Variants in TSNAXIP1 observed in about 807,000 individuals in gnomAD.
The protein encoded by TSNAXIP1 is translin-associated factor X-interacting protein 1.
In TSNAXIP1, 89 loss-of-function variants were observed where a neutral mutation model predicts 84.8. That is an observed-to-expected ratio of 1.05 (90% CI 0.88 to 1.25). TSNAXIP1 has a LOEUF of 1.25. Among genes scored for constraint, TSNAXIP1 ranks in the 50% most tolerant of loss-of-function variants. TSNAXIP1 has a pLI of 0.00. For synonymous variants in TSNAXIP1, 347 were observed against 335.2 expected, an observed-to-expected ratio of 1.04 and a Z score of -0.39; for missense variants, 874 against 887.6, an observed-to-expected ratio of 0.98 and a Z score of 0.20.
chr16:67,826,120 C>G, intron 9 of TSNAXIP1, 32 bp from the exon 10 acceptor site: 15 of 1,613,098 alleles, frequency 9.3e-6, no homozygotes, highest in Non-Finnish European at 1.3e-5. Flanking sequence ...TACATGTGGG[C>G]CCAGACTCCA....
rs771920743 is a variant in TSNAXIP1, at chr16:67,826,867, T to C, written c.1554+23T>C. 1.9e-6 allele frequency: 3 copies of C among 1,612,296 alleles called. No homozygotes were observed. The South Asian group carries it at 3.3e-5, about 18-fold the overall frequency. On this transcript the variant is annotated intron_variant, in intron 12 of 15. Transcript: ENST00000561639. ...AAGGTGAGCTGGGGCCTATTCCCCTTGGGGAGACTGAGAGGGGTCTTTGTC... is the reference window on the plus strand; with the variant it reads ...AAGGTGAGCTGGGGCCTATTCCCCTCGGGGAGACTGAGAGGGGTCTTTGTC...
Position 67,826,840 on chromosome 16 carries a change from G to C in TSNAXIP1, c.1550G>C (p.Gly517Ala). 1 of 1,613,400 alleles carries C rather than the reference G, an allele frequency of 6.2e-7. No individual in the cohort carries two copies. The highest frequency in any genetic ancestry group is 8.5e-7 in the Non-Finnish European group (1 of 1,179,948). The change falls in exon 12 of 16, where the codon GGA (glycine) becomes GCA (alanine). Residue 517 changes from glycine (G) to alanine (A), a missense_variant. Physicochemically the swap from Gly to Ala is moderately conservative, Grantham distance 60. Coordinates refer to ENST00000561639, the MANE Select transcript of TSNAXIP1 (RefSeq NM_001288990.3). ...VMSQFYAVLM[G>A]KRSENVYVTQ... ...AGTCAGTTCTATGCAGTCTTGATGG[G>C]AAAGGTGAGCTGGGGCCTATTCCCC...
rs146795616 is a variant in TSNAXIP1, at chr16:67,825,927, T to C, written c.995T>C (p.Leu332Pro). 1.4e-5 allele frequency: 22 copies of C among 1,614,052 alleles called. No homozygotes were observed. Among genetic ancestry groups the C allele is most frequent in the Admixed American group, 5.0e-5 (3 of 59,990 alleles). ...NKDLQEQLDT[L>P]RASYEEVRKE... ...TGTCCTTGCCCACAGCTGGACACCC[T>C]GAGAGCCAGCTACGAGGAGGTTCGC... is the stretch of plus-strand genomic sequence containing the variant. The change falls in exon 9 of 16, where the codon CTG (leucine) becomes CCG (proline). Residue 332 changes from leucine (L) to proline (P), a missense_variant. By Grantham distance (98) the Leu-to-Pro change is moderately conservative. Coordinates refer to ENST00000561639, the MANE Select transcript of TSNAXIP1 (RefSeq NM_001288990.3).
chr16:67,819,988 T>G (rs1039266785), intron 2 of TSNAXIP1, among the ~76,000 whole-genome samples: 40 of 151,956 alleles, frequency 2.6e-4, no homozygotes, highest in Admixed American at 3.9e-4. Flanking sequence ...CCGGCTAATT[T>G]TTTGTATTTT....
At position 67,826,789 on chromosome 16, in the gene TSNAXIP1, A is replaced by G; in HGVS notation, c.1499A>G (p.Lys500Arg). 3.1e-6 allele frequency: 5 copies of G among 1,614,122 alleles called. No individual in the cohort carries two copies. Among genetic ancestry groups the G allele is most frequent in the African/African-American group, 1.3e-5 (1 of 75,044 alleles). ...AWAYTIFENI[K>R]IFHSNEVMSQ... ...GCTTATACTATTTTTGAAAATATCA[A>G]GATCTTCCACTCCAACGAGGTTATG... is the stretch of plus-strand genomic sequence containing the variant. The change falls in exon 12 of 16, where the codon AAG becomes AGG. Residue 500 changes from lysine to arginine, a missense_variant. Lys to Arg is a conservative substitution (Grantham distance 26). Transcript: ENST00000561639.
At chr16:67,809,055 A>G (rs2055773703) in intron 1 of TSNAXIP1, among the ~76,000 whole-genome samples, 2 of 147,444 alleles carry the variant, frequency 1.4e-5, no homozygotes, top group Non-Finnish European at 3.0e-5. Flanking sequence ...TAAAAGTTTC[A>G]GCTACTCAGG....
At chr16:67,813,626 G>A (rs565820353) in intron 1 of TSNAXIP1, among the ~76,000 whole-genome samples, 1 of 150,676 alleles carries the variant, frequency 6.6e-6, no homozygotes, top group Admixed American at 6.7e-5. Flanking sequence ...CCAGCTACTC[G>A]GGATGCTGAG....
intron 2 of TSNAXIP1, among the ~76,000 whole-genome samples, chr16:67,817,479 A>C (rs1337642429): frequency 3.8e-5 from 5 of 132,128 alleles, no homozygotes; most frequent in African/African-American, 1.4e-4. Context: ...CGAGGGTTTC[A>C]CCGTGTTAGC....
At chr16:67,814,915 G>A (rs8051277) in intron 2 of TSNAXIP1, among the ~76,000 whole-genome samples, 1,777 of 152,140 alleles carry the variant, frequency 0.012, 40 homozygotes, top group African/African-American at 0.04. Context: ...AAAGAGATGC[G>A]TCTCTACCAT....
In TSNAXIP1 at chr16:67,825,744, G is replaced by A. The variant is rs1390799557; in HGVS notation, c.892G>A (p.Glu298Lys). 1.2e-6 allele frequency: 2 copies of A among 1,614,194 alleles called. No homozygotes were observed. Among genetic ancestry groups the A allele is most frequent in the African/African-American group, 1.3e-5 (1 of 75,042 alleles). ...GCAAGACCTGACCCGCACGCAGATGGAACTCAACAACATGAAGGCCAACTT... is the reference window on the plus strand; with the variant it reads ...GCAAGACCTGACCCGCACGCAGATGAAACTCAACAACATGAAGGCCAACTT... The part of the protein sequence containing the change: ...TRQDLTRTQM[E>K]LNNMKANFGD... The change falls in exon 8 of 16, where the codon GAA (glutamate) becomes AAA (lysine). Residue 298 changes from glutamate (E) to lysine (K), a missense_variant. By Grantham distance (56) the Glu-to-Lys change is moderately conservative. Transcript: ENST00000561639.
intron 2 of TSNAXIP1, among the ~76,000 whole-genome samples, chr16:67,817,751 T>C (rs1436769711): frequency 7.2e-6 from 1 of 138,452 alleles, no homozygotes; most frequent in African/African-American, 3.1e-5. Context: ...ATTTGCCGGG[T>C]GTGGTGGTGC....
chr16:67,811,123 C>T (rs1284788001), intron 1 of TSNAXIP1, among the ~76,000 whole-genome samples: 3 of 152,090 alleles, frequency 2.0e-5, no homozygotes, highest in Non-Finnish European at 2.9e-5. Context: ...CGCGCCCGGC[C>T]GATCTCCTGA....
chr16:67,825,642 G>A, intron 7 of TSNAXIP1, 25 bp from the exon 8 acceptor site: 1 of 1,594,966 alleles, frequency 6.3e-7, no homozygotes, highest in Non-Finnish European at 8.6e-7. Flanking sequence ...GGTGACACGG[G>A]CTGGTGGGCC....
intron 2 of TSNAXIP1, among the ~76,000 whole-genome samples, chr16:67,819,475 C>T (rs2056856341): frequency 6.6e-6 from 1 of 151,730 alleles, no homozygotes; most frequent in African/African-American, 2.4e-5. Flanking sequence ...AATTCCTGAC[C>T]TCAAGTGATC....
In TSNAXIP1 at chr16:67,826,165, G is replaced by A. The variant is rs1440666325; in HGVS notation, c.1158G>A (p.Gly386=). 1 of 1,612,900 alleles carries A rather than the reference G, an allele frequency of 6.2e-7. No homozygotes were observed. Among genetic ancestry groups the A allele is most frequent in the Non-Finnish European group, 8.5e-7 (1 of 1,179,276 alleles). ...DWTKCKDVVA[G]GPERWQMLAE... ...CCCCACATGCAGATGTGGTGGCTGG[G>A]GGCCCAGAGCGCTGGCAGATGCTGG... The change falls in exon 10 of 16, where the codon GGG becomes GGA. Residue 386 remains glycine (G), a synonymous_variant. Coordinates refer to ENST00000561639, the MANE Select transcript of TSNAXIP1 (RefSeq NM_001288990.3).
At chr16:67,814,037 G>C (rs903952050) in intron 1 of TSNAXIP1, among the ~76,000 whole-genome samples, 2 of 152,194 alleles carry the variant, frequency 1.3e-5, no homozygotes, top group African/African-American at 4.8e-5. Context: ...TAGGCCCATG[G>C]GGTTCTCTGG....
chr16:67,827,509 C>G lies in TSNAXIP1; in HGVS notation c.1828C>G (p.Leu610Val). The change falls in exon 15 of 16, where the codon CTC (leucine) becomes GTC (valine). Residue 610 changes from leucine (L) to valine (V), a missense_variant. Physicochemically the swap from Leu to Val is conservative, Grantham distance 32 (BLOSUM62 1). Coordinates refer to ENST00000561639, the MANE Select transcript of TSNAXIP1 (RefSeq NM_001288990.3). ...EGQSEPFVQK[L>V]WEQYMDEKDE... ...CCAGAGTGAGCCCTTTGTGCAAAAA[C>G]TCTGGGAACAATACATGGATGAGAA... The G allele has an allele frequency of 5.0e-6, 8 of 1,614,220 alleles. No homozygotes were observed. Among genetic ancestry groups the G allele is most frequent in the Non-Finnish European group, 6.8e-6 (8 of 1,180,034 alleles).
Position 67,820,924 on chromosome 16 carries a change from G to C in TSNAXIP1, c.233G>C (p.Cys78Ser). Residue 78 changes from cysteine (C) to serine (S), a missense_variant, in exon 3 of 16, where the codon TGT becomes TCT. By Grantham distance (112) the Cys-to-Ser change is moderately radical. Transcript: ENST00000561639. Reference protein sequence around the residue: ...GQTILQNRKPCSDDYRKRVGS... With the variant: ...GQTILQNRKPSSDDYRKRVGS... ...ACCATTTTGCAAAATCGAAAACCCT[G>C]TTCAGATGACTACCGGAAGCGAGTA... 4 of 1,604,432 alleles carry C rather than the reference G, an allele frequency of 2.5e-6. No individual in the cohort carries two copies. Among genetic ancestry groups the C allele is most frequent in the Non-Finnish European group, 2.6e-6 (3 of 1,175,454 alleles).
Position 67,827,360 on chromosome 16 carries a change from CTCACTG to C in TSNAXIP1, c.1778_1783del (p.Ser593_Leu594del). 1 of 1,614,184 alleles carries C rather than the reference CTCACTG, an allele frequency of 6.2e-7. No individual in the cohort carries two copies. The highest frequency in any genetic ancestry group is 8.5e-7 in the Non-Finnish European group (1 of 1,180,010). On this transcript the variant is annotated inframe_deletion, in exon 14 of 16. Transcript: ENST00000561639. Reference sequence around the variant, plus strand: ...GCAATGCAGACTTGCTCAACTACCGCTCACTGTTTATGGAGGTGGGTGTGTGGGGTC... The same window carrying C: ...GCAATGCAGACTTGCTCAACTACCGCTTTATGGAGGTGGGTGTGTGGGGTC...
Sources: gnomAD v4.1 joint callset for allele counts (sites outside exome capture counted in the v4.1 genomes callset) on GRCh38, gnomAD v4.1.1 for gene constraint, MANE v1.5 for transcripts, NCBI Gene and HGNC (gene_info 2026-07-23, HGNC 2026-07-21) for gene names.